The following CPSF3 variants were observed in gnomAD, a reference collection of about 807,000 sequenced individuals.
CPSF3 encodes the protein cleavage and polyadenylation specificity factor subunit 3.
CPSF3 carries 57 observed loss-of-function variants against 84.1 expected under a neutral mutation model. That is an observed-to-expected ratio of 0.68 (90% CI 0.55 to 0.85). CPSF3 has a LOEUF of 0.85. Ranked by LOEUF, CPSF3 falls within the 40% of genes least tolerant of loss-of-function variation. The pLI is 0.00. For synonymous variants in CPSF3, 275 were observed against 278.1 expected (o/e 0.99, Z 0.11); for missense variants, 522 against 838.8 (o/e 0.62, Z 4.66).
At chr2:9,436,133 A>G in intron 6 of CPSF3, 78 bp from the exon 7 acceptor site, 1 of 1,227,110 alleles carries the variant, frequency 8.1e-7, no homozygotes, top group Non-Finnish European at 1.1e-6. Flanking sequence ...TTAGCCCCTC[A>G]GTATTTCATT....
intron 8 of CPSF3, among the ~76,000 whole-genome samples, 166 bp downstream of exon 8, chr2:9,440,832 A>G (rs777997047): frequency 1.3e-5 from 2 of 152,208 alleles, no homozygotes; most frequent in African/African-American, 2.4e-5. Context: ...CCTGGGCAAG[A>G]TAGTGAGACC....
At chr2:9,434,302 G>T (rs1680702040) in intron 6 of CPSF3, among the ~76,000 whole-genome samples, 1 of 151,960 alleles carries the variant, frequency 6.6e-6, no homozygotes, top group Non-Finnish European at 1.5e-5. Flanking sequence ...CCAGAAGGTG[G>T]AGGTTGCAGT....
Position 9,444,158 on chromosome 2 carries a change from ATTT to A in CPSF3, c.1242+509_1242+511del, listed in dbSNP as rs869193869. The stretch of plus-strand genomic sequence containing the variant: ...ATATATATTATATATATATATATAT[ATTT>A]TTTTTTTTTTTGAGGCGGAGTCTTG... On this transcript the variant is annotated intron_variant, in intron 10 of 17. Coordinates refer to ENST00000238112, the MANE Select transcript of CPSF3 (RefSeq NM_016207.4). Among the ~76,000 whole-genome samples, 63 of 123,164 alleles carry A rather than the reference ATTT, an allele frequency of 5.1e-4. 1 individual carries two copies. Among genetic ancestry groups the A allele is most frequent in the African/African-American group, 2.3e-3 (62 of 26,428 alleles). 80.8% of individuals were successfully genotyped at this position (123,164 alleles called of 152,430 possible). A position where few individuals can be genotyped will look rare whatever the true frequency, so the allele number is the denominator to read the frequency against.
chr2:9,465,565 G>A (rs10179780), intron 15 of CPSF3, among the ~76,000 whole-genome samples: 27,666 of 98,380 alleles, frequency 0.28, 2,592 homozygotes, highest in Middle Eastern at 0.46. Context: ...ACACACACAC[G>A]CGCGCGCGTT....
intron 11 of CPSF3, among the ~76,000 whole-genome samples, chr2:9,449,107 G>A (rs373433231): frequency 6.6e-5 from 10 of 152,050 alleles, no homozygotes; most frequent in South Asian, 2.1e-4. Context: ...GGCCGGACAC[G>A]GTGGTTCCTG....
At chr2:9,471,929 CA>C (rs1183807259) in intron 17 of CPSF3, among the ~76,000 whole-genome samples, 10 of 147,308 alleles carry the variant, frequency 6.8e-5, no homozygotes, top group African/African-American at 2.5e-4. Flanking sequence ...TTGCTTGAAA[CA>C]GGGAGGCAGA....
chr2:9,449,234 A>T (rs559912647), intron 11 of CPSF3, among the ~76,000 whole-genome samples: 155 of 152,088 alleles, frequency 1.0e-3, no homozygotes, highest in Middle Eastern at 3.4e-3. Flanking sequence ...AAAATAAAAT[A>T]AAAAAATTAG....
chr2:9,452,676 T>A (rs1681374993), intron 11 of CPSF3, among the ~76,000 whole-genome samples: 1 of 152,220 alleles, frequency 6.6e-6, no homozygotes, highest in Admixed American at 6.5e-5. Context: ...CTTGTTGAAC[T>A]GATTAGAACT....
intron 7 of CPSF3, among the ~76,000 whole-genome samples, chr2:9,437,174 T>A (rs1572774714): frequency 6.6e-6 from 1 of 152,012 alleles, no homozygotes; most frequent in South Asian, 2.1e-4. Context: ...GAGGCTGAGG[T>A]GGGCAGATCA....
chr2:9,466,332 ACG>A (rs773381199), intron 15 of CPSF3, among the ~76,000 whole-genome samples: 2 of 120,648 alleles, frequency 1.7e-5, no homozygotes, highest in African/African-American at 6.5e-5. Flanking sequence ...ACACAGACGC[ACG>A]CACACACGCG....
rs552426679 is a variant in CPSF3, at chr2:9,430,806, C to T, written c.267C>T (p.Phe89=). ...ALPWFLQKTS[F]KGRTFMTHAT... ...CCTGGTTTCTACAGAAGACAAGTTT[C>T]AAAGGAAGAACATTTATGACTCATG... Residue 89 remains phenylalanine, a synonymous_variant, in exon 4 of 18, where the codon TTC becomes TTT. Coordinates refer to ENST00000238112, the MANE Select transcript of CPSF3 (RefSeq NM_016207.4). 3 of 1,613,432 alleles carry T rather than the reference C, an allele frequency of 1.9e-6. No homozygotes were observed. The South Asian group carries it at 3.3e-5, about 18-fold the overall frequency.
At chr2:9,462,183 A>G (rs1209160626) in intron 15 of CPSF3, among the ~76,000 whole-genome samples, 1 of 152,214 alleles carries the variant, frequency 6.6e-6, no homozygotes, top group Non-Finnish European at 1.5e-5. Context: ...CGCAGCTTTC[A>G]GCTGTAAGGC....
intron 15 of CPSF3, among the ~76,000 whole-genome samples, chr2:9,464,633 G>A (rs984540360): frequency 4.6e-5 from 7 of 151,530 alleles, no homozygotes; most frequent in African/African-American, 1.7e-4. Context: ...TCACTGTGTC[G>A]CAGACTTGAG....
rs554338304 is a variant in CPSF3, at chr2:9,436,225, G to A, written c.624G>A (p.Gly208=). 4 of 1,604,588 alleles carry A rather than the reference G, an allele frequency of 2.5e-6. No individual in the cohort carries two copies. The highest frequency in any genetic ancestry group is 4.5e-5 in the East Asian group (2 of 44,766). ...PDILIIESTY[G]THIHEKREER... ...GTATTATTTAGGAATCTACTTATGG[G>A]ACCCATATCCATGAGAAACGTGAAG... The change falls in exon 7 of 18, where the codon GGG becomes GGA. Residue 208 remains glycine (G), a synonymous_variant. Coordinates refer to ENST00000238112, the MANE Select transcript of CPSF3 (RefSeq NM_016207.4).
rs1216895624 is a variant in CPSF3, at chr2:9,443,441, T to C, written c.1096-74T>C. 5 of 1,472,610 alleles carry C rather than the reference T, an allele frequency of 3.4e-6. No homozygotes were observed. In the East Asian group the frequency reaches 1.1e-4, roughly 34 times the overall value. The allele number at this position is 1,472,610 out of a possible 1,614,324, so 91.2% of individuals were successfully genotyped here. On this transcript the variant is annotated intron_variant, in intron 9 of 17. Transcript: ENST00000238112. ...AATTTAACATGAATTTATGACTGCA[T>C]GAAAAAAATGAAAATGTACCTTTAC...
chr2:9,429,600 A>G (rs1223339063), intron 2 of CPSF3, among the ~76,000 whole-genome samples: 1 of 152,160 alleles, frequency 6.6e-6, no homozygotes, highest in Non-Finnish European at 1.5e-5. Context: ...AAATCTATAA[A>G]CTTTTAAAAT....
chr2:9,427,318 C>A (rs1411492295), intron 1 of CPSF3, among the ~76,000 whole-genome samples: 2 of 152,016 alleles, frequency 1.3e-5, no homozygotes, highest in African/African-American at 4.8e-5. Flanking sequence ...ATTATTGTAC[C>A]AACATGAAGT....
chr2:9,467,736 G>A lies in CPSF3; in HGVS notation c.1816G>A (p.Glu606Lys). 6.5e-7 allele frequency: 1 copy of A among 1,539,002 alleles called. No homozygotes were observed. Among genetic ancestry groups the A allele is most frequent in the Non-Finnish European group, 8.9e-7 (1 of 1,129,156 alleles). Residue 606 changes from glutamate (E) to lysine (K), a missense_variant, in exon 16 of 18, where the codon GAA becomes AAA. Glu to Lys is a moderately conservative substitution (Grantham distance 56). Transcript: ENST00000238112. ...AGTACAGAAGGTTTCTAAAAAATTA[G>A]AAATGCACGTTTACAGCAAGAGGTT... ...GAVQKVSKKLEMHVYSKRLEI... is the reference protein window; with the variant it reads ...GAVQKVSKKLKMHVYSKRLEI...
chr2:9,449,766 A>G (rs1005788438), intron 11 of CPSF3, among the ~76,000 whole-genome samples: 2 of 152,084 alleles, frequency 1.3e-5, no homozygotes, highest in African/African-American at 4.8e-5. Flanking sequence ...AGAATTAATC[A>G]TTTTTGAGAG....
Sources: allele counts gnomAD v4.1 joint callset (sites outside exome capture counted in the v4.1 genomes callset), GRCh38; gene constraint gnomAD v4.1.1; transcripts MANE v1.5; gene names NCBI Gene and HGNC (gene_info 2026-07-23, HGNC 2026-07-21).